The following THRB variants were observed in gnomAD, a reference collection of about 807,000 sequenced individuals.
The protein encoded by THRB is nuclear receptor subfamily 1 group A member 2.
In THRB, 12 loss-of-function variants were observed where a neutral mutation model predicts 47.8. The ratio of observed to expected loss-of-function variants is 0.25; its 90% CI spans 0.16 to 0.41. The LOEUF is 0.41. Ranked by LOEUF, THRB falls within the 10% of genes least tolerant of loss-of-function variation. The probability of loss-of-function intolerance (pLI) is 1.00; values close to 1 mark genes in which losing one functional copy is unlikely to be tolerated. For missense variants in THRB, 348 were observed against 589.2 expected (o/e 0.59, Z 4.24); for synonymous variants, 218 against 212.2 (o/e 1.03, Z -0.24).
intron 2 of THRB, among the ~76,000 whole-genome samples, chr3:24,297,701 TC>T (rs1210817764): frequency 6.6e-6 from 1 of 152,224 alleles, no homozygotes; most frequent in Non-Finnish European, 1.5e-5. Flanking sequence ...CCAAACTCCT[TC>T]CCTCTGTTTT....
chr3:24,270,645 A>G (rs1298088145), intron 3 of THRB, among the ~76,000 whole-genome samples: 1 of 152,232 alleles, frequency 6.6e-6, no homozygotes, highest in Non-Finnish European at 1.5e-5. Context: ...GGGTCAGTTC[A>G]TCAGGTCATG....
intron 4 of THRB, among the ~76,000 whole-genome samples, chr3:24,217,085 T>C (rs944023129): frequency 6.7e-5 from 10 of 148,438 alleles, no homozygotes; most frequent in African/African-American, 2.4e-4. Context: ...TAATAAATAT[T>C]ATAAGAATTA....
intron 1 of THRB, among the ~76,000 whole-genome samples, chr3:24,448,865 G>C (rs76525204): frequency 0.026 from 3,918 of 152,286 alleles, 167 homozygotes; most frequent in African/African-American, 0.088. Flanking sequence ...CAGATGACAG[G>C]GAAGGACTCT....
intron 5 of THRB, among the ~76,000 whole-genome samples, chr3:24,182,031 C>T (rs1365671651): frequency 6.6e-6 from 1 of 152,122 alleles, no homozygotes; most frequent in Non-Finnish European, 1.5e-5. Flanking sequence ...GAAACCCCAT[C>T]TCTACTAAAA....
At chr3:24,408,411 C>G (rs1013528375) in intron 1 of THRB, among the ~76,000 whole-genome samples, 4 of 151,832 alleles carry the variant, frequency 2.6e-5, no homozygotes, top group East Asian at 3.9e-4. Context: ...TTGTACCATT[C>G]TGCTGTTGTG....
At chr3:24,439,024 T>A (rs985716312) in intron 1 of THRB, among the ~76,000 whole-genome samples, 1 of 152,108 alleles carries the variant, frequency 6.6e-6, no homozygotes, top group Non-Finnish European at 1.5e-5. Flanking sequence ...TCTAGTCTGA[T>A]CCCACAGGGA....
intron 1 of THRB, among the ~76,000 whole-genome samples, chr3:24,459,776 G>C (rs2073533006): frequency 6.6e-6 from 1 of 152,082 alleles, no homozygotes; most frequent in African/African-American, 2.4e-5. Context: ...AGAAGTGTCT[G>C]TTCAGATCCT....
Position 24,133,480 on chromosome 3 carries a change from G to T in THRB, c.739-18C>A. ...TCTTCTGGCTAAGGAGGAGAAAAAA[G>T]AAAGATTTAAATGAAGAAGTTGAAG... On this transcript the variant is annotated intron_variant, in intron 8 of 10. Coordinates refer to ENST00000646209, the MANE Select transcript of THRB (RefSeq NM_001354712.2). 1 of 1,613,202 alleles carries T rather than the reference G, an allele frequency of 6.2e-7. No homozygotes were observed. The highest frequency in any genetic ancestry group is 8.5e-7 in the Non-Finnish European group (1 of 1,179,234).
chr3:24,447,338 T>TA (rs1560208250), intron 1 of THRB, among the ~76,000 whole-genome samples: 1 of 152,184 alleles, frequency 6.6e-6, no homozygotes, highest in African/African-American at 2.4e-5. Context: ...CTTAGCCATT[T>TA]AAAAAAATTA....
chr3:24,139,158 C>T (rs999195266), intron 8 of THRB, among the ~76,000 whole-genome samples: 3 of 152,052 alleles, frequency 2.0e-5, no homozygotes, highest in Non-Finnish European at 2.9e-5. Flanking sequence ...TTTCTGTAGC[C>T]TCAGAGATTT....
At chr3:24,223,814 A>G (rs1467399616) in intron 4 of THRB, among the ~76,000 whole-genome samples, 1 of 152,192 alleles carries the variant, frequency 6.6e-6, no homozygotes, top group African/African-American at 2.4e-5. Context: ...TAAGAAAAAG[A>G]CAAATACCAC....
chr3:24,391,969 G>T (rs931855733), intron 1 of THRB, among the ~76,000 whole-genome samples: 1 of 152,120 alleles, frequency 6.6e-6, no homozygotes. Flanking sequence ...GCTGAAATTG[G>T]CATGCTCACA....
In THRB at chr3:24,304,828, T is replaced by G. The variant is rs992357452; in HGVS notation, c.-188-7457A>C. Among the ~76,000 whole-genome samples the G allele has an allele frequency of 2.6e-5, 4 of 152,030 alleles. No homozygotes were observed. In the South Asian group the frequency reaches 8.3e-4, roughly 32 times the overall value. On this transcript the variant is annotated intron_variant, in intron 2 of 10. Coordinates refer to ENST00000646209, the MANE Select transcript of THRB (RefSeq NM_001354712.2). ...AGGATTGAGCAAATAGAGAAAAACATGCACACAAAAATGAAAATGATTATT... is the reference window on the plus strand; with the variant it reads ...AGGATTGAGCAAATAGAGAAAAACAGGCACACAAAAATGAAAATGATTATT...
intron 3 of THRB, among the ~76,000 whole-genome samples, chr3:24,263,941 C>T (rs2052362143): frequency 6.6e-6 from 1 of 152,108 alleles, no homozygotes; most frequent in Non-Finnish European, 1.5e-5. Context: ...AGGCACTGAA[C>T]TGAGGAAAGA....
chr3:24,249,466 C>T (rs902242872), intron 3 of THRB, among the ~76,000 whole-genome samples: 2 of 152,016 alleles, frequency 1.3e-5, no homozygotes, highest in Non-Finnish European at 2.9e-5. Flanking sequence ...ACTCTTAGAG[C>T]GATATAACCT....
chr3:24,287,565 T>C (rs1347683264), intron 3 of THRB, among the ~76,000 whole-genome samples: 4 of 152,204 alleles, frequency 2.6e-5, no homozygotes, highest in Non-Finnish European at 4.4e-5. Context: ...TGAAAAATGC[T>C]CTTCCAGCTC....
At chr3:24,268,234 GGA>G (rs377220469) in intron 3 of THRB, among the ~76,000 whole-genome samples, 2 of 152,218 alleles carry the variant, frequency 1.3e-5, no homozygotes, top group South Asian at 2.1e-4. Context: ...CAAAAAAACT[GGA>G]GAGTGAAATC....
intron 3 of THRB, among the ~76,000 whole-genome samples, chr3:24,232,595 G>A (rs1033368790): frequency 3.3e-5 from 5 of 152,156 alleles, no homozygotes; most frequent in African/African-American, 1.2e-4. Context: ...TGCAAGGAAT[G>A]AGCTTCATAC....
At chr3:24,208,804 C>T (rs988406081) in intron 4 of THRB, among the ~76,000 whole-genome samples, 1 of 151,452 alleles carries the variant, frequency 6.6e-6, no homozygotes, top group Non-Finnish European at 1.5e-5. Flanking sequence ...GACTTCATGT[C>T]TAAAACACCA....
Sources: gnomAD v4.1 joint callset for allele counts (sites outside exome capture counted in the v4.1 genomes callset) on GRCh38, gnomAD v4.1.1 for gene constraint, MANE v1.5 for transcripts, NCBI Gene and HGNC (gene_info 2026-07-23, HGNC 2026-07-21) for gene names.